Variants in CLIC5 observed in about 807,000 individuals in gnomAD.
CLIC5 encodes CLIC family member 5, also known as chloride intracellular channel protein 5.
Under a neutral mutation model 24.7 loss-of-function variants are expected in CLIC5, and 20 were observed. The observed-to-expected ratio is 0.81, with a 90% CI of 0.57 to 1.18. CLIC5 has a LOEUF of 1.18. Among genes scored for constraint, CLIC5 ranks in the 50% most tolerant of loss-of-function variants. The pLI is 0.00. For missense variants in CLIC5, 341 were observed against 326.1 expected (o/e 1.05, Z -0.35); for synonymous variants, 159 against 135.6 (o/e 1.17, Z -1.20).
chr6:45,946,044 C>A (rs930198504), intron 3 of CLIC5, among the ~76,000 whole-genome samples: 1 of 152,194 alleles, frequency 6.6e-6, no homozygotes, highest in South Asian at 2.1e-4. Context: ...GAACATGCAA[C>A]AAAAGACATC....
chr6:46,063,259 C>A (rs1562031751), intron 1 of CLIC5, among the ~76,000 whole-genome samples: 1 of 152,178 alleles, frequency 6.6e-6, no homozygotes, highest in South Asian at 2.1e-4. Context: ...TCCAGAAGAA[C>A]AGAGAAGCAA....
At chr6:46,056,145 G>T (rs1768243993) in intron 1 of CLIC5, among the ~76,000 whole-genome samples, 1 of 152,130 alleles carries the variant, frequency 6.6e-6, no homozygotes, top group African/African-American at 2.4e-5. Context: ...CACAGAGAAG[G>T]AAAGTAATTT....
chr6:46,046,075 T>C (rs76260426), intron 1 of CLIC5, among the ~76,000 whole-genome samples: 3,027 of 152,280 alleles, frequency 0.02, 118 homozygotes, highest in African/African-American at 0.069. Flanking sequence ...ACCCAAACCA[T>C]CTTCTCCAGT....
intron 1 of CLIC5, among the ~76,000 whole-genome samples, chr6:45,974,226 C>T (rs1221313212): frequency 6.6e-6 from 1 of 151,744 alleles, no homozygotes; most frequent in Admixed American, 6.6e-5. Context: ...TCCTTATGCT[C>T]CCCTGAGAAG....
chr6:45,884,521 A>G (rs9472599), intron 6 of CLIC5, among the ~76,000 whole-genome samples: 67,273 of 151,994 alleles, frequency 0.44, 15,380 homozygotes, highest in East Asian at 0.73. Flanking sequence ...CCGCAGCCTC[A>G]CCTCTCTCAT....
intron 4 of CLIC5, among the ~76,000 whole-genome samples, chr6:45,921,384 T>C (rs1183993926): frequency 2.6e-5 from 4 of 152,064 alleles, no homozygotes; most frequent in Non-Finnish European, 5.9e-5. Flanking sequence ...GTCGAGTATG[T>C]CGGGGAGCCA....
At chr6:45,928,710 G>A (rs1471414052) in intron 4 of CLIC5, among the ~76,000 whole-genome samples, 5 of 152,188 alleles carry the variant, frequency 3.3e-5, no homozygotes, top group African/African-American at 1.2e-4. Context: ...TGTCTAAGGA[G>A]GTATGTGATG....
rs1273325497 is a variant in CLIC5 at position 45,958,956 on chromosome 6, GCATACATACTACATACATACATA to G, written c.64-3735_64-3713del. ...TTCTGAAAATCATCCTAAAATACAT[GCATACATACTACATACATACATA>G]CATACATACTACATACATACATACA... On this transcript the variant is annotated intron_variant, in intron 1 of 5. Coordinates refer to ENST00000339561, the MANE Select transcript of CLIC5 (RefSeq NM_016929.5). Among the ~76,000 whole-genome samples the G allele has an allele frequency of 2.6e-5, 3 of 115,402 alleles. No individual in the cohort carries two copies. In the Admixed American group the frequency reaches 2.9e-4, roughly 11 times the overall value. The allele number at this position is 115,402 out of a possible 152,430, so 75.7% of individuals were successfully genotyped here. A position where few individuals can be genotyped will look rare whatever the true frequency, so the allele number is the denominator to read the frequency against.
At chr6:46,098,738 T>A in the CLIC5 span, among the ~76,000 whole-genome samples, 1 of 152,182 alleles carries the variant, frequency 6.6e-6, no homozygotes, top group South Asian at 2.1e-4. Context: ...TTCTGCTGCC[T>A]CTCCTTACTG....
intron 1 of CLIC5, among the ~76,000 whole-genome samples, chr6:46,056,642 A>C (rs1458546040): frequency 1.3e-5 from 2 of 152,168 alleles, no homozygotes; most frequent in Admixed American, 1.3e-4. Flanking sequence ...AATGCTAAAG[A>C]TAGGAGTCCC....
At chr6:45,977,694 T>C (rs1765430797) in intron 1 of CLIC5, among the ~76,000 whole-genome samples, 1 of 152,154 alleles carries the variant, frequency 6.6e-6, no homozygotes, top group African/African-American at 2.4e-5. Context: ...TAGGCTCAGG[T>C]TGGCTATGTC....
At chr6:46,117,697 A>G in the CLIC5 span, among the ~76,000 whole-genome samples, 47 of 152,366 alleles carry the variant, frequency 3.1e-4, no homozygotes, top group South Asian at 8.9e-3. Context: ...GATTAGAAAC[A>G]ACAAATAACA....
At chr6:45,942,707 T>C (rs1764173868) in intron 3 of CLIC5, among the ~76,000 whole-genome samples, 1 of 152,260 alleles carries the variant, frequency 6.6e-6, no homozygotes, top group Non-Finnish European at 1.5e-5. Context: ...ATATTTGTTG[T>C]TCTTTAATGC....
At chr6:46,048,907 C>T (rs1422768218) in intron 1 of CLIC5, among the ~76,000 whole-genome samples, 1 of 152,028 alleles carries the variant, frequency 6.6e-6, no homozygotes, top group Non-Finnish European at 1.5e-5. Flanking sequence ...TTCATAGTTG[C>T]CAAGCAATGC....
At chr6:46,035,511 T>A (rs552439679) in intron 1 of CLIC5, among the ~76,000 whole-genome samples, 1 of 152,318 alleles carries the variant, frequency 6.6e-6, no homozygotes, top group East Asian at 1.9e-4. Flanking sequence ...TGTGTTGGTT[T>A]GTTTGCCTCT....
chr6:46,022,849 T>C (rs1001027638), intron 1 of CLIC5, among the ~76,000 whole-genome samples: 6 of 152,184 alleles, frequency 3.9e-5, no homozygotes, highest in African/African-American at 1.4e-4. Context: ...GAACATACAG[T>C]GTGCATACCA....
the CLIC5 span, among the ~76,000 whole-genome samples, chr6:46,106,214 G>T: frequency 1.3e-5 from 2 of 152,152 alleles, no homozygotes; most frequent in African/African-American, 4.8e-5. Flanking sequence ...AGTGATTGAG[G>T]TTCCTACCTC....
intron 1 of CLIC5, among the ~76,000 whole-genome samples, chr6:46,078,235 C>T (rs1762823416): frequency 1.3e-5 from 2 of 152,116 alleles, no homozygotes; most frequent in African/African-American, 4.8e-5. Context: ...TGGCACATGC[C>T]TGTAATCCCA....
At chr6:45,954,483 C>T (rs1764577834) in intron 2 of CLIC5, among the ~76,000 whole-genome samples, 1 of 151,980 alleles carries the variant, frequency 6.6e-6, no homozygotes, top group Non-Finnish European at 1.5e-5. Context: ...GCCAAGCTCA[C>T]CAGGGATGAA....
Sources: allele counts gnomAD v4.1 joint callset (sites outside exome capture counted in the v4.1 genomes callset), GRCh38; gene constraint gnomAD v4.1.1; transcripts MANE v1.5; gene names NCBI Gene and HGNC (gene_info 2026-07-23, HGNC 2026-07-21).